The following SSR2 variants were observed in gnomAD, a reference collection of about 807,000 sequenced individuals.
SSR2 encodes the protein signal sequence receptor subunit 2, also known as translocon-associated protein subunit beta.
Under a neutral mutation model 22.6 loss-of-function variants are expected in SSR2, and 16 were observed. That is an observed-to-expected ratio of 0.71 (90% CI 0.48 to 1.08). The LOEUF (loss-of-function observed/expected upper bound fraction) is 1.08, where lower values mean the gene tolerates loss of function less well. Ranked by LOEUF, SSR2 falls within the 50% of genes least tolerant of loss-of-function variation. The pLI is 0.00. For missense variants in SSR2, 171 were observed against 221.6 expected (o/e 0.77, Z 1.45); for synonymous variants, 83 against 91.2 (o/e 0.91, Z 0.51).
Position 156,011,839 on chromosome 1 carries a change from C to T in SSR2, c.412G>A (p.Glu138Lys). 6.2e-7 allele frequency: 1 copy of T among 1,614,066 alleles called. No individual in the cohort carries two copies. The highest frequency in any genetic ancestry group is 8.5e-7 in the Non-Finnish European group (1 of 1,179,964). Residue 138 changes from glutamate to lysine, a missense_variant, in exon 5 of 6, where the codon GAG becomes AAG. Transcript: ENST00000295702. ...TGAGGGGAGAATCGCCTGTCAAACTCCCGCTGAGCCAGGATTCCTCCCTGT... is the reference window on the plus strand; with the variant it reads ...TGAGGGGAGAATCGCCTGTCAAACTTCCGCTGAGCCAGGATTCCTCCCTGT... ...PGQGGILAQR[E>K]FDRRFSPHFL...
chr1:156,013,631 A>G (rs1419792360), intron 4 of SSR2: 3 of 153,444 alleles, frequency 2.0e-5, no homozygotes, highest in African/African-American at 7.3e-5. Flanking sequence ...GGGAGAAGGT[A>G]TGGGAAGTAG....
rs1375179742 is a variant in SSR2 at position 156,020,869 on chromosome 1, C to T, written c.-1+19G>A. 3 of 470,996 alleles carry T rather than the reference C, an allele frequency of 6.4e-6. No homozygotes were observed. Among genetic ancestry groups the T allele is most frequent in the South Asian group, 4.6e-5 (3 of 64,560 alleles). The allele number at this position is 470,996 out of a possible 1,614,324, so 29.2% of individuals were successfully genotyped here. A position where few individuals can be genotyped will look rare whatever the true frequency, so the allele number is the denominator to read the frequency against. On this transcript the variant is annotated intron_variant, in intron 1 of 5. Coordinates refer to ENST00000295702, the MANE Select transcript of SSR2 (RefSeq NM_003145.4). ...GCTCTCGCCTCTCCCGTTCGGACGC[C>T]CTAAGCCTCCGGACTTACCGTTGGC...
intron 3 of SSR2, among the ~76,000 whole-genome samples, chr1:156,015,368 A>C (rs1057072852): frequency 6.6e-5 from 10 of 151,174 alleles, no homozygotes; most frequent in Non-Finnish European, 1.5e-4. Flanking sequence ...TTAGCTGGGC[A>C]TGGCAGCATG....
chr1:156,019,908 G>C, intron 2 of SSR2, 105 bp downstream of exon 2: 1 of 1,267,366 alleles, frequency 7.9e-7, no homozygotes. Flanking sequence ...GATGCTGGAA[G>C]TGTCCCAAAG....
chr1:156,015,923 G>T (rs1260113801), intron 3 of SSR2, among the ~76,000 whole-genome samples: 2 of 152,126 alleles, frequency 1.3e-5, no homozygotes, highest in African/African-American at 4.8e-5. Context: ...GGCCGAAGTG[G>T]TTGGATCACC....
chr1:156,018,222 G>A (rs781619853), intron 3 of SSR2, 48 bp downstream of exon 3: 3 of 1,456,028 alleles, frequency 2.1e-6, no homozygotes, highest in Non-Finnish European at 2.9e-6. Context: ...TTGCAGGCAA[G>A]GCTCTCCCTG....
intron 3 of SSR2, among the ~76,000 whole-genome samples, chr1:156,017,016 C>T (rs1446953749): frequency 6.6e-6 from 1 of 152,172 alleles, no homozygotes; most frequent in Non-Finnish European, 1.5e-5. Flanking sequence ...GCTTATTCTT[C>T]ATAGCAACTT....
At chr1:156,010,395 G>C (rs1194114259) in intron 5 of SSR2, 2 of 151,822 alleles carry the variant, frequency 1.3e-5, no homozygotes, top group African/African-American at 4.8e-5. Context: ...TTTAGAGATA[G>C]AGTCTCACTC....
chr1:156,010,038 C>CTGG (rs1309508440), intron 5 of SSR2, among the ~76,000 whole-genome samples: 1 of 152,084 alleles, frequency 6.6e-6, no homozygotes, highest in East Asian at 1.9e-4. Context: ...TCCCAAAGTG[C>CTGG]TGGGATTACA....
chr1:156,020,409 C>T (rs769064155), intron 1 of SSR2: 3 of 435,326 alleles, frequency 6.9e-6, no homozygotes, highest in Non-Finnish European at 1.3e-5. Context: ...CTGTCAGAAG[C>T]CCCGGGATGC....
intron 2 of SSR2, among the ~76,000 whole-genome samples, chr1:156,019,462 G>C (rs1683112658): frequency 6.6e-6 from 1 of 152,010 alleles, no homozygotes; most frequent in South Asian, 2.1e-4. Context: ...CCGGCTCACT[G>C]CAACTTCCGC....
intron 3 of SSR2, among the ~76,000 whole-genome samples, chr1:156,015,557 T>TAG (rs1683043342): frequency 8.9e-6 from 1 of 112,496 alleles, no homozygotes; most frequent in Non-Finnish European, 1.8e-5. Context: ...TATATATATA[T>TAG]AGGCTTCTTT....
intron 3 of SSR2, 118 bp downstream of exon 3, chr1:156,018,152 C>A: frequency 1.4e-6 from 1 of 719,072 alleles, no homozygotes; most frequent in Non-Finnish European, 2.5e-6. Flanking sequence ...CCATCTTATC[C>A]AGAGAGATGA....
chr1:156,014,921 A>C (rs1261777740), intron 4 of SSR2, 40 bp downstream of exon 4: 1 of 1,515,010 alleles, frequency 6.6e-7, no homozygotes, highest in South Asian at 1.1e-5. Flanking sequence ...AAGGGAAGGC[A>C]GATCCAAATT....
chr1:156,018,265 G>T lies in SSR2; in HGVS notation c.254+5C>A. 1 of 1,612,730 alleles carries T rather than the reference G, an allele frequency of 6.2e-7. No homozygotes were observed. ...ACCCTTCATCACCAAGTGCCAAGAGGATACGGGGCAATCCGGTCCCATTTG... is the reference window on the plus strand; with the variant it reads ...ACCCTTCATCACCAAGTGCCAAGAGTATACGGGGCAATCCGGTCCCATTTG... On this transcript the variant is annotated splice_donor_5th_base_variant and intron_variant, in intron 3 of 5. Transcript: ENST00000295702.
At chr1:156,019,753 C>A (rs1683119841) in intron 2 of SSR2, among the ~76,000 whole-genome samples, 1 of 152,162 alleles carries the variant, frequency 6.6e-6, no homozygotes, top group Non-Finnish European at 1.5e-5. Context: ...ATCTTTCCCT[C>A]CTAGTTTTTC....
In SSR2 at chr1:156,009,290, C is replaced by A. The variant is rs953458866; in HGVS notation, c.*250G>T. The A allele has an allele frequency of 1.4e-5, 6 of 415,124 alleles. No individual in the cohort carries two copies. Among genetic ancestry groups the A allele is most frequent in the Non-Finnish European group, 1.7e-5 (4 of 233,134 alleles). The allele number at this position is 415,124 out of a possible 1,614,324, so 25.7% of individuals were successfully genotyped here. ...CACCTCAGTGGGGCATCAGAGGGCCCTCTAGGCTCAAGGCTATTGCCAAAG... is the reference window on the plus strand; with the variant it reads ...CACCTCAGTGGGGCATCAGAGGGCCATCTAGGCTCAAGGCTATTGCCAAAG... On this transcript the variant is annotated 3_prime_UTR_variant, in exon 6 of 6. Coordinates refer to ENST00000295702, the MANE Select transcript of SSR2 (RefSeq NM_003145.4).
chr1:156,019,982 C>G, intron 2 of SSR2, 31 bp downstream of exon 2: 1 of 1,600,460 alleles, frequency 6.2e-7, no homozygotes, highest in South Asian at 1.1e-5. Context: ...CAGAAATAGG[C>G]TTAATCTGTA....
intron 3 of SSR2, among the ~76,000 whole-genome samples, chr1:156,016,856 T>C (rs1281136141): frequency 6.6e-6 from 1 of 152,114 alleles, no homozygotes; most frequent in Non-Finnish European, 1.5e-5. Flanking sequence ...CTTACTCTCT[T>C]CCTCCTGCTC....
Sources: gnomAD v4.1 joint callset for allele counts (sites outside exome capture counted in the v4.1 genomes callset) on GRCh38, gnomAD v4.1.1 for gene constraint, MANE v1.5 for transcripts, NCBI Gene and HGNC (gene_info 2026-07-23, HGNC 2026-07-21) for gene names.